ADAMTSL1: variants seen among roughly 807,000 people sequenced by gnomAD.
The protein encoded by ADAMTSL1 is ADAMTS like 1.
In ADAMTSL1, 126 loss-of-function variants were observed where a neutral mutation model predicts 201.8. The ratio of observed to expected loss-of-function variants is 0.62; its 90% CI spans 0.54 to 0.72. ADAMTSL1 has a LOEUF of 0.72. ADAMTSL1 is among the 30% of genes least tolerant of loss of function. The pLI, the probability that ADAMTSL1 is intolerant of heterozygous loss-of-function variation, is 0.00. For synonymous variants in ADAMTSL1, 1,121 were observed against 903.4 expected (o/e 1.24, Z -4.32); for missense variants, 2,679 against 2,277.8 (o/e 1.18, Z -3.59).
At chr9:18,678,267 G>T (rs1035414495) in intron 10 of ADAMTSL1, among the ~76,000 whole-genome samples, 1 of 152,052 alleles carries the variant, frequency 6.6e-6, no homozygotes, top group Admixed American at 6.6e-5. Context: ...TGTTCTCCAG[G>T]ATAAGATTCT....
intron 2 of ADAMTSL1, among the ~76,000 whole-genome samples, chr9:18,270,228 G>A (rs1251046761): frequency 6.6e-6 from 1 of 152,008 alleles, no homozygotes; most frequent in Non-Finnish European, 1.5e-5. Flanking sequence ...AAGGTAGAAG[G>A]GACTAGTTAG....
At chr9:18,591,329 T>C (rs544287941) in intron 4 of ADAMTSL1, among the ~76,000 whole-genome samples, 6 of 152,320 alleles carry the variant, frequency 3.9e-5, no homozygotes, top group African/African-American at 1.4e-4. Context: ...TGATGTAAGT[T>C]GAGCTACTTC....
At chr9:18,384,363 A>G (rs1032064203) in intron 2 of ADAMTSL1, among the ~76,000 whole-genome samples, 4 of 151,974 alleles carry the variant, frequency 2.6e-5, no homozygotes, top group African/African-American at 9.7e-5. Flanking sequence ...TGATTCAATC[A>G]CCTCTCACCA....
chr9:18,295,001 C>T (rs1479679290), intron 2 of ADAMTSL1, among the ~76,000 whole-genome samples: 1 of 152,074 alleles, frequency 6.6e-6, no homozygotes, highest in Non-Finnish European at 1.5e-5. Flanking sequence ...CAGCTTAGAT[C>T]ACAGCGTGTG....
chr9:18,345,206 C>T (rs904661100), intron 2 of ADAMTSL1, among the ~76,000 whole-genome samples: 4 of 152,022 alleles, frequency 2.6e-5, no homozygotes, highest in Non-Finnish European at 5.9e-5. Flanking sequence ...AAGGAATATA[C>T]AAGTTAACCC....
intron 2 of ADAMTSL1, among the ~76,000 whole-genome samples, chr9:18,249,158 A>T (rs1221685988): frequency 6.6e-6 from 1 of 152,228 alleles, no homozygotes; most frequent in East Asian, 1.9e-4. Context: ...CCATGTAAGC[A>T]GTTGTTTCGT....
At chr9:18,516,775 A>T (rs910189078) in intron 2 of ADAMTSL1, among the ~76,000 whole-genome samples, 1 of 152,102 alleles carries the variant, frequency 6.6e-6, no homozygotes, top group South Asian at 2.1e-4. Flanking sequence ...GTGCCCTTCA[A>T]CTCTGAAATG....
chr9:18,863,929 C>T (rs188728653), intron 23 of ADAMTSL1, among the ~76,000 whole-genome samples: 1 of 152,280 alleles, frequency 6.6e-6, no homozygotes, highest in African/African-American at 2.4e-5. Flanking sequence ...ACACCAAGTG[C>T]CAAGTTTCAT....
chr9:18,670,108 C>G (rs1320890026), intron 9 of ADAMTSL1, among the ~76,000 whole-genome samples: 2 of 152,136 alleles, frequency 1.3e-5, no homozygotes, highest in Non-Finnish European at 2.9e-5. Context: ...AGATGGAGCA[C>G]CATTTTCTAT....
chr9:18,113,168 T>A lies in ADAMTSL1; in HGVS notation c.88-50694T>A, dbSNP rs138522594. 6.6e-5 allele frequency among the ~76,000 whole-genome samples: 10 copies of A among 151,994 alleles called. No individual in the cohort carries two copies. The East Asian group carries it at 1.9e-3, about 29-fold the overall frequency. On this transcript the variant is annotated intron_variant, in intron 1 of 29. Transcript: ENST00000680146. The stretch of plus-strand genomic sequence containing the variant: ...GGGATTGTGAAAAATGGGTGAAAAT[T>A]GGTTGGAAAGAAAGAGATGAAGGAC...
intron 1 of ADAMTSL1, among the ~76,000 whole-genome samples, chr9:18,020,284 C>G (rs771631713): frequency 6.6e-6 from 1 of 151,982 alleles, no homozygotes; most frequent in Non-Finnish European, 1.5e-5. Flanking sequence ...CAGGATTTAG[C>G]GATTCAATTT....
chr9:18,885,168 T>G (rs115817021), intron 23 of ADAMTSL1, among the ~76,000 whole-genome samples: 1,610 of 152,302 alleles, frequency 0.011, 37 homozygotes, highest in African/African-American at 0.037. Flanking sequence ...TGAACAGAAA[T>G]TTAGTGGCTC....
At chr9:18,151,827 G>A (rs1296933700) in intron 1 of ADAMTSL1, among the ~76,000 whole-genome samples, 1 of 151,962 alleles carries the variant, frequency 6.6e-6, no homozygotes, top group African/African-American at 2.4e-5. Flanking sequence ...TAAAAATGAG[G>A]TGCCAGGAGT....
At chr9:18,121,865 A>G (rs1249297175) in intron 1 of ADAMTSL1, among the ~76,000 whole-genome samples, 1 of 152,066 alleles carries the variant, frequency 6.6e-6, no homozygotes, top group East Asian at 1.9e-4. Context: ...ACCATTCTTA[A>G]AACTCTTTAG....
chr9:18,232,245 G>A (rs371038315), intron 2 of ADAMTSL1, among the ~76,000 whole-genome samples: 8 of 152,104 alleles, frequency 5.3e-5, no homozygotes, highest in African/African-American at 1.7e-4. Context: ...TATACTTGCT[G>A]TTCCCTCTAC....
At chr9:18,149,403 G>A (rs920842930) in intron 1 of ADAMTSL1, among the ~76,000 whole-genome samples, 7 of 151,980 alleles carry the variant, frequency 4.6e-5, no homozygotes, top group East Asian at 3.9e-4. Context: ...GGGATAAATG[G>A]AGACCCAACA....
At chr9:18,666,586 A>G (rs2133060389) in intron 9 of ADAMTSL1, among the ~76,000 whole-genome samples, 1 of 152,270 alleles carries the variant, frequency 6.6e-6, no homozygotes, top group African/African-American at 2.4e-5. Context: ...ATCTAGTAAA[A>G]TGTAAAATCC....
chr9:17,929,365 C>T (rs1484660438), intron 1 of ADAMTSL1, among the ~76,000 whole-genome samples: 2 of 152,040 alleles, frequency 1.3e-5, no homozygotes, highest in Non-Finnish European at 2.9e-5. Flanking sequence ...ACTGTAAGAC[C>T]TCTTCTTTCG....
At chr9:18,477,918 A>C (rs2131788453) in intron 1 of ADAMTSL1, among the ~76,000 whole-genome samples, 1 of 152,288 alleles carries the variant, frequency 6.6e-6, no homozygotes, top group Middle Eastern at 3.4e-3. Flanking sequence ...TCACTAGTGA[A>C]CTACAGAAGA....
Sources: gnomAD v4.1 joint callset for allele counts (sites outside exome capture counted in the v4.1 genomes callset) on GRCh38, gnomAD v4.1.1 for gene constraint, MANE v1.5 for transcripts, NCBI Gene and HGNC (gene_info 2026-07-23, HGNC 2026-07-21) for gene names.